DCAF6: variants seen among roughly 807,000 people sequenced by gnomAD.
The protein encoded by DCAF6 is DDB1 and CUL4 associated factor 6.
Under a neutral mutation model 125.1 loss-of-function variants are expected in DCAF6, and 54 were observed. That is an observed-to-expected ratio of 0.43 (90% CI 0.35 to 0.54). The LOEUF (loss-of-function observed/expected upper bound fraction) is 0.54. DCAF6 is among the 20% of genes least tolerant of loss of function. DCAF6 has a pLI of 0.01. For synonymous variants in DCAF6, 371 were observed against 390.4 expected (o/e 0.95, Z 0.58); for missense variants, 934 against 1,161.7 (o/e 0.80, Z 2.85).
the DCAF6 span, among the ~76,000 whole-genome samples, chr1:167,888,463 C>A: frequency 2.0e-5 from 3 of 151,758 alleles, no homozygotes; most frequent in African/African-American, 7.3e-5. Context: ...ATAGTTTTCA[C>A]GGTAGAGATC....
the DCAF6 span, among the ~76,000 whole-genome samples, chr1:167,925,422 T>C: frequency 7.5e-6 from 1 of 132,708 alleles, no homozygotes; most frequent in Non-Finnish European, 1.6e-5. Context: ...GTATATATAA[T>C]ATACAGATAT....
chr1:167,920,940 T>C, the DCAF6 span, among the ~76,000 whole-genome samples: 976 of 152,296 alleles, frequency 6.4e-3, 9 homozygotes, highest in African/African-American at 0.022. Flanking sequence ...TTTTTTTTGG[T>C]CTACCTATTT....
At chr1:167,943,391 G>T (rs1012185093) in intron 1 of DCAF6, among the ~76,000 whole-genome samples, 2 of 152,072 alleles carry the variant, frequency 1.3e-5, no homozygotes, top group Non-Finnish European at 2.9e-5. Flanking sequence ...CTCATCTGTG[G>T]TTCTGGTTTG....
chr1:168,008,931 CTCTCTCTCTCTT>C (rs983119533), intron 10 of DCAF6, among the ~76,000 whole-genome samples: 40 of 140,626 alleles, frequency 2.8e-4, no homozygotes, highest in South Asian at 2.2e-3. Flanking sequence ...TGCTTGCTTT[CTCTCTCTCTCTT>C]TCTCTCTCTC....
At chr1:167,935,939 G>A (rs1671150188), upstream of DCAF6, 3 of 926,508 alleles carry the variant, frequency 3.2e-6, no homozygotes, top group African/African-American at 1.6e-5. Flanking sequence ...CTGCCACGAC[G>A]ACTCGCGTCC....
chr1:168,032,589 T>C (rs1476085503), intron 12 of DCAF6, among the ~76,000 whole-genome samples: 1 of 152,222 alleles, frequency 6.6e-6, no homozygotes, highest in Non-Finnish European at 1.5e-5. Context: ...TTTCACCATA[T>C]GTTTTATTTC....
intron 9 of DCAF6, 37 bp from the exon 10 acceptor site, chr1:168,004,496 T>C (rs781180487): frequency 3.2e-5 from 52 of 1,602,328 alleles, no homozygotes; most frequent in Non-Finnish European, 4.1e-5. Flanking sequence ...TTAGAAAATA[T>C]TTAAAATTTG....
intron 12 of DCAF6, 61 bp from the exon 13 acceptor site, chr1:168,038,310 G>A: frequency 8.1e-7 from 1 of 1,233,972 alleles, no homozygotes; most frequent in Non-Finnish European, 1.2e-6. Context: ...TAAATTTTAG[G>A]AAATGTCATC....
At chr1:168,049,991 G>T (rs1572097591) in intron 16 of DCAF6, among the ~76,000 whole-genome samples, 1 of 145,154 alleles carries the variant, frequency 6.9e-6, no homozygotes. Flanking sequence ...TGCCAAATCT[G>T]TTGTAAGTGA....
chr1:168,004,109 C>A, intron 9 of DCAF6, 120 bp downstream of exon 9: 2 of 1,240,476 alleles, frequency 1.6e-6, no homozygotes, highest in Non-Finnish European at 2.2e-6. Context: ...TCACAAGGTT[C>A]TTATTGTGTG....
chr1:168,031,419 C>G (rs548459034), intron 12 of DCAF6, among the ~76,000 whole-genome samples: 8 of 152,210 alleles, frequency 5.3e-5, no homozygotes, highest in East Asian at 1.9e-4. Flanking sequence ...AAATTATCCC[C>G]TAAGTTAGGC....
At chr1:167,919,913 A>AT in the DCAF6 span, 2 of 1,254,118 alleles carry the variant, frequency 1.6e-6, no homozygotes, top group Non-Finnish European at 2.3e-6. Flanking sequence ...GTCTCAAAAA[A>AT]AAAAAAAATT....
chr1:168,051,645 A>G (rs1215912466), intron 17 of DCAF6, among the ~76,000 whole-genome samples: 1 of 152,222 alleles, frequency 6.6e-6, no homozygotes, highest in Non-Finnish European at 1.5e-5. Context: ...TCAGAAATGT[A>G]AAGTTTGTAG....
rs118036657 is a variant in DCAF6 at position 168,043,619 on chromosome 1, T to C, written c.1843+479T>C. On this transcript the variant is annotated intron_variant, in intron 14 of 21. Transcript: ENST00000367840. ...TTTTTATATGACAATTACATGAAAT[T>C]TAATGTCTAGCACAGAGACTAGAAC... 4.6e-3 allele frequency among the ~76,000 whole-genome samples: 703 copies of C among 152,260 alleles called. 8 individuals are homozygous for C. The East Asian group carries it at 0.058, about 13-fold the overall frequency.
the DCAF6 span, among the ~76,000 whole-genome samples, chr1:167,927,714 T>C: frequency 1.3e-5 from 2 of 152,242 alleles, no homozygotes; most frequent in Non-Finnish European, 2.9e-5. Flanking sequence ...GTTTGCCTGG[T>C]AACTAATTTA....
At chr1:167,971,233 T>G (rs534508460) in intron 3 of DCAF6, among the ~76,000 whole-genome samples, 1 of 152,220 alleles carries the variant, frequency 6.6e-6, no homozygotes, top group Non-Finnish European at 1.5e-5. Context: ...CCTGGACACA[T>G]GTAGCCACTC....
chr1:168,056,475 AGGCGGGGCGGGGAGGGG>A (rs1690859353), intron 17 of DCAF6: 1 of 1,148,084 alleles, frequency 8.7e-7, no homozygotes, highest in Non-Finnish European at 1.1e-6. Context: ...CCGCGCCGGG[AGGCGGGGCGGGGAGGGG>A]CCCAGGCTTA....
At chr1:167,899,926 C>T in the DCAF6 span, among the ~76,000 whole-genome samples, 1 of 152,160 alleles carries the variant, frequency 6.6e-6, no homozygotes, top group African/African-American at 2.4e-5. Context: ...ATTATGTATA[C>T]TTAAGGGCAA....
intron 1 of DCAF6, among the ~76,000 whole-genome samples, chr1:167,945,955 GTTT>G (rs1238443018): frequency 8.1e-6 from 1 of 123,938 alleles, no homozygotes; most frequent in Non-Finnish European, 1.7e-5. Context: ...AAATCTAAGG[GTTT>G]TTTTTTTTTT....
Sources: gnomAD v4.1 joint callset for allele counts (sites outside exome capture counted in the v4.1 genomes callset) on GRCh38, gnomAD v4.1.1 for gene constraint, MANE v1.5 for transcripts, NCBI Gene and HGNC (gene_info 2026-07-23, HGNC 2026-07-21) for gene names.